PABPC4: variants seen among roughly 807,000 people sequenced by gnomAD.
PABPC4 encodes polyadenylate-binding protein 4.
In PABPC4, 15 loss-of-function variants were observed where a neutral mutation model predicts 74.5. The observed-to-expected ratio is 0.20, with a 90% CI of 0.13 to 0.31. The LOEUF (loss-of-function observed/expected upper bound fraction) is 0.31. Ranked by LOEUF, PABPC4 falls within the 10% of genes least tolerant of loss-of-function variation. The probability of loss-of-function intolerance (pLI) is 1.00; values close to 1 mark genes in which losing one functional copy is unlikely to be tolerated. For synonymous variants in PABPC4, 345 were observed against 303.0 expected, an observed-to-expected ratio of 1.14 and a Z score of -1.44; for missense variants, 610 against 853.5, an observed-to-expected ratio of 0.71 and a Z score of 3.55.
chr1:39,563,650 A>G lies in PABPC4; in HGVS notation c.1632T>C (p.Ser544=). The G allele has an allele frequency of 1.2e-6, 2 of 1,614,232 alleles. No homozygotes were observed. The highest frequency in any genetic ancestry group is 1.7e-6 in the Non-Finnish European group (2 of 1,180,032). The part of the protein sequence containing the change: ...RAVAPYKYAS[S]VRSPHPAIQP... ...GTATGGCAGGATGAGGGCTGCGGAC[A>G]CTGGAGGCGTATTTGTAGGGGGCAA... The change falls in exon 12 of 16, where the codon AGT becomes AGC. Residue 544 remains serine, a synonymous_variant. Transcript: ENST00000372858.
chr1:39,572,919 C>T (rs1645963803), intron 1 of PABPC4, among the ~76,000 whole-genome samples: 1 of 152,124 alleles, frequency 6.6e-6, no homozygotes, highest in Non-Finnish European at 1.5e-5. Context: ...TAAGCTTTAC[C>T]ACTTAGAAGA....
chr1:39,574,687 G>T (rs529616635), intron 1 of PABPC4, among the ~76,000 whole-genome samples: 119 of 152,354 alleles, frequency 7.8e-4, no homozygotes, highest in Middle Eastern at 3.4e-3. Context: ...TGGGCAGGTA[G>T]TAACTCTGGG....
chr1:39,563,406 C>G lies in PABPC4; in HGVS notation c.1668+208G>C, dbSNP rs1265617832. 4 of 574,924 alleles carry G rather than the reference C, an allele frequency of 7.0e-6. No homozygotes were observed. The South Asian group carries it at 7.7e-5, about 11-fold the overall frequency. The allele number at this position is 574,924 out of a possible 1,614,324, so 35.6% of individuals were successfully genotyped here. A position where few individuals can be genotyped will look rare whatever the true frequency, so the allele number is the denominator to read the frequency against. Reference sequence around the variant, plus strand: ...ACTGGCTGCCCGCTCTGAGGCATTTCTGAGTGAACTGGCATCAGGCAGAGC... The same window carrying G: ...ACTGGCTGCCCGCTCTGAGGCATTTGTGAGTGAACTGGCATCAGGCAGAGC... On this transcript the variant is annotated intron_variant, in intron 12 of 15. Transcript: ENST00000372858.
At chr1:39,566,293 T>C (rs1645840155) in intron 7 of PABPC4, among the ~76,000 whole-genome samples, 1 of 152,194 alleles carries the variant, frequency 6.6e-6, no homozygotes, top group African/African-American at 2.4e-5. Context: ...ATAACACTTT[T>C]GGAATACCAC....
chr1:39,567,076 A>G (rs369324258), intron 7 of PABPC4, among the ~76,000 whole-genome samples: 2 of 152,080 alleles, frequency 1.3e-5, no homozygotes, highest in South Asian at 2.1e-4. Context: ...CCATAACTCA[A>G]AATGTTCAGA....
At chr1:39,562,464 C>T (rs1003926190) in intron 12 of PABPC4, 48 bp from the exon 13 acceptor site, 1 of 1,367,770 alleles carries the variant, frequency 7.3e-7, no homozygotes, top group Non-Finnish European at 1.0e-6. Context: ...AAGGACAACA[C>T]CTGATGGTGG....
chr1:39,569,641 T>C lies in PABPC4; in HGVS notation c.692A>G (p.Lys231Arg), dbSNP rs769195158. ...TTCGTAACTCACAAAGCCAAAGCCTTTGGATTTCCCATTGGGATCTCTCAT... is the reference window on the plus strand; with the variant it reads ...TTCGTAACTCACAAAGCCAAAGCCTCTGGATTTCCCATTGGGATCTCTCAT... Reference protein sequence around the residue: ...KVMRDPNGKSKGFGFVSYEKH... With the variant: ...KVMRDPNGKSRGFGFVSYEKH... The change falls in exon 5 of 16, where the codon AAA (lysine) becomes AGA (arginine). Residue 231 changes from lysine (K) to arginine (R), a missense_variant. Around this residue, in one of 4 missense-constraint regions of PABPC4, gnomAD observed 304 missense variants for 478.9 expected, o/e 0.63. Transcript: ENST00000372858. 2.5e-6 allele frequency: 4 copies of C among 1,614,062 alleles called. No individual in the cohort carries two copies. Among genetic ancestry groups the C allele is most frequent in the Admixed American group, 3.3e-5 (2 of 59,998 alleles).
In PABPC4 at chr1:39,565,255, C is replaced by T; in HGVS notation, c.1096G>A (p.Ala366Thr). 1.9e-6 allele frequency: 3 copies of T among 1,614,234 alleles called. No individual in the cohort carries two copies. The highest frequency in any genetic ancestry group is 2.2e-5 in the East Asian group (1 of 44,892). The change falls in exon 8 of 16, where the codon GCC becomes ACC. Residue 366 changes from alanine to threonine, a missense_variant. Physicochemically the swap from Ala to Thr is moderately conservative, Grantham distance 58. This residue lies in a region of PABPC4 where 304 missense variants were observed against 478.9 expected (regional missense o/e 0.63). Transcript: ENST00000372858. Reference protein sequence around the residue: ...RIVGSKPLYVALAQRKEERKA... With the variant: ...RIVGSKPLYVTLAQRKEERKA... The stretch of plus-strand genomic sequence containing the variant: ...CTCTCTTCCTTCCTCTGGGCCAGGG[C>T]AACATATAGTGGCTTGGAGCCCACA...
chr1:39,565,874 A>G (rs999072538), intron 7 of PABPC4, among the ~76,000 whole-genome samples: 1 of 150,744 alleles, frequency 6.6e-6, no homozygotes, highest in Non-Finnish European at 1.5e-5. Flanking sequence ...AAAAACACCA[A>G]CCAACCAAAC....
intron 1 of PABPC4, among the ~76,000 whole-genome samples, chr1:39,573,358 C>T (rs12130013): frequency 0.06 from 9,088 of 152,222 alleles, 410 homozygotes; most frequent in Non-Finnish European, 0.091. Flanking sequence ...GTAGACAGTG[C>T]GCAGATGGCA....
At chr1:39,562,270 G>A in intron 13 of PABPC4, 53 bp downstream of exon 13, 1 of 1,606,952 alleles carries the variant, frequency 6.2e-7, no homozygotes, top group Non-Finnish European at 8.5e-7. Flanking sequence ...TGGTGTCCTA[G>A]CTGGCATCAG....
At chr1:39,567,182 T>G (rs1645859515) in intron 7 of PABPC4, among the ~76,000 whole-genome samples, 1 of 152,190 alleles carries the variant, frequency 6.6e-6, no homozygotes, top group Non-Finnish European at 1.5e-5. Context: ...CTAAAATTCC[T>G]TATCTTTAAA....
Position 39,564,509 on chromosome 1 carries a change from G to C in PABPC4, c.1367C>G (p.Ser456Cys). Residue 456 changes from serine (S) to cysteine (C), a missense_variant, in exon 10 of 16, where the codon TCT becomes TGT. Around this residue, in one of 4 missense-constraint regions of PABPC4, gnomAD observed 277 missense variants for 301.8 expected, o/e 0.92. Coordinates refer to ENST00000372858, the MANE Select transcript of PABPC4 (RefSeq NM_001135653.2). ...ATGGCGAAGAGTTGGACGAGGCCCA[G>C]ACTGGCGTATAGCACTTGGCATTCC... ...FQGMPSAIRQ[S>C]GPRPTLRHLA... 6.2e-7 allele frequency: 1 copy of C among 1,614,244 alleles called. No homozygotes were observed. The highest frequency in any genetic ancestry group is 8.5e-7 in the Non-Finnish European group (1 of 1,180,032).
chr1:39,567,980 G>C lies in PABPC4; in HGVS notation c.877-134C>G, dbSNP rs542096984. 6.8e-6 allele frequency: 4 copies of C among 589,172 alleles called. No homozygotes were observed. In the Admixed American group the frequency reaches 9.2e-5, roughly 14 times the overall value. The allele number at this position is 589,172 out of a possible 1,614,324, so 36.5% of individuals were successfully genotyped here. The stretch of plus-strand genomic sequence containing the variant: ...CTTGTTAGAAATGAAATTCTCGGCC[G>C]GACGCGGTGGCTCACGCCTGTAATC... On this transcript the variant is annotated intron_variant, in intron 6 of 15. Transcript: ENST00000372858.
chr1:39,563,638 A>G lies in PABPC4; in HGVS notation c.1644T>C (p.Pro548=). The G allele has an allele frequency of 6.2e-7, 1 of 1,614,110 alleles. No individual in the cohort carries two copies. The highest frequency in any genetic ancestry group is 8.5e-7 in the Non-Finnish European group (1 of 1,180,008). The change falls in exon 12 of 16, where the codon CCT becomes CCC. Residue 548 remains proline (P), a synonymous_variant. Transcript: ENST00000372858. ...CCTGCAGAGGCTGTATGGCAGGATG[A>G]GGGCTGCGGACACTGGAGGCGTATT... ...PYKYASSVRS[P]HPAIQPLQAP...
Position 39,562,063 on chromosome 1 carries a change from C to T in PABPC4, c.1893+10G>A. 1.9e-6 allele frequency: 3 copies of T among 1,611,972 alleles called. No homozygotes were observed. The highest frequency in any genetic ancestry group is 2.5e-6 in the Non-Finnish European group (3 of 1,179,572). ...AGAACTGAAGCTGCAGGGTCTGAGC[C>T]CCAGCTCACCTTGGAGCGGAGAGAC... On this transcript the variant is annotated intron_variant, in intron 14 of 15. Transcript: ENST00000372858.
intron 6 of PABPC4, 147 bp from the exon 7 acceptor site, chr1:39,567,993 C>T: frequency 1.8e-6 from 1 of 564,858 alleles, no homozygotes; most frequent in South Asian, 2.0e-5. Context: ...CGCGGTGGCT[C>T]ACGCCTGTAA....
At chr1:39,575,243 C>T (rs945261568) in intron 1 of PABPC4, among the ~76,000 whole-genome samples, 31 of 152,218 alleles carry the variant, frequency 2.0e-4, no homozygotes, top group African/African-American at 7.2e-4. Context: ...GTTTAACGCA[C>T]AGAAACCTTC....
At position 39,564,441 on chromosome 1, in the gene PABPC4, T is replaced by G. The variant is rs1165857842; in HGVS notation, c.1435A>C (p.Thr479Pro). 1.9e-6 allele frequency: 3 copies of G among 1,613,990 alleles called. No homozygotes were observed. Among genetic ancestry groups the G allele is most frequent in the South Asian group, 2.2e-5 (2 of 91,076 alleles). ...GNAPASRGLP[T>P]TTQRVGSECP... ...TGCTCACCGACTCTCTGAGTGGTAGTAGGGAGGCCACGAGAGGCCGGAGCA... is the reference window on the plus strand; with the variant it reads ...TGCTCACCGACTCTCTGAGTGGTAGGAGGGAGGCCACGAGAGGCCGGAGCA... The change falls in exon 10 of 16, where the codon ACT (threonine) becomes CCT (proline). Residue 479 changes from threonine to proline, a missense_variant. Physicochemically the swap from Thr to Pro is conservative, Grantham distance 38. Coordinates refer to ENST00000372858, the MANE Select transcript of PABPC4 (RefSeq NM_001135653.2).
Sources: gnomAD v4.1 joint callset for allele counts (sites outside exome capture counted in the v4.1 genomes callset) on GRCh38, gnomAD v4.1.1 for gene constraint, gnomAD v4.1.1 regional missense constraint, MANE v1.5 for transcripts, NCBI Gene and HGNC (gene_info 2026-07-23, HGNC 2026-07-21) for gene names.